The following PITPNB variants were observed in gnomAD, a reference collection of about 807,000 sequenced individuals.
PITPNB encodes phosphatidylinositol transfer protein beta.
PITPNB carries 16 observed loss-of-function variants against 45.9 expected under a neutral mutation model. The ratio of observed to expected loss-of-function variants is 0.35; its 90% confidence interval spans 0.24 to 0.53. The LOEUF is 0.53. Ranked by LOEUF, PITPNB falls within the 20% of genes least tolerant of loss-of-function variation. The pLI is 0.93. For synonymous variants in PITPNB, 112 were observed against 108.9 expected (o/e 1.03, Z -0.18); for missense variants, 188 against 330.5 (o/e 0.57, Z 3.34).
At chr22:27,898,783 A>G (rs762832986) in intron 3 of PITPNB, among the ~76,000 whole-genome samples, 4 of 152,224 alleles carry the variant, frequency 2.6e-5, no homozygotes, top group Non-Finnish European at 5.9e-5. Flanking sequence ...TCAATACATG[A>G]TTAATATATG....
intron 8 of PITPNB, among the ~76,000 whole-genome samples, chr22:27,867,564 G>T (rs1056761388): frequency 6.6e-6 from 1 of 152,134 alleles, no homozygotes; most frequent in African/African-American, 2.4e-5. Flanking sequence ...TTAATTTTTT[G>T]TATGGCTCAC....
chr22:27,892,003 G>C (rs1055164900), intron 7 of PITPNB, among the ~76,000 whole-genome samples: 2 of 152,212 alleles, frequency 1.3e-5, no homozygotes, highest in Non-Finnish European at 1.5e-5. Context: ...CCTAGTTTTA[G>C]AATGTATGTT....
chr22:27,900,878 CTGAA>C (rs1935572266), intron 3 of PITPNB, among the ~76,000 whole-genome samples: 1 of 152,176 alleles, frequency 6.6e-6, no homozygotes, highest in Admixed American at 6.5e-5. Flanking sequence ...CAATTATTAA[CTGAA>C]TGAACAATAG....
In PITPNB at chr22:27,910,945, A is replaced by C. The variant is rs1185509835; in HGVS notation, c.197+19T>G. On this transcript the variant is annotated intron_variant, in intron 3 of 11. Coordinates refer to ENST00000335272, the MANE Select transcript of PITPNB (RefSeq NM_012399.5). Reference sequence around the variant, plus strand: ...GTAAGCCAGGTAGTTACAAGGCGTCAAATGTGAACACCGCTTACCTCTTTA... The same window carrying C: ...GTAAGCCAGGTAGTTACAAGGCGTCCAATGTGAACACCGCTTACCTCTTTA... 1 of 1,605,312 alleles carries C rather than the reference A, an allele frequency of 6.2e-7. No homozygotes were observed. The highest frequency in any genetic ancestry group is 2.2e-5 in the East Asian group (1 of 44,798).
intron 4 of PITPNB, 102 bp downstream of exon 4, chr22:27,897,699 G>A (rs1935474937): frequency 2.5e-6 from 2 of 793,136 alleles, no homozygotes; most frequent in Non-Finnish European, 4.5e-6. Context: ...AGAACCCAAG[G>A]AAGACCTTGC....
chr22:27,916,850 C>A (rs1413371263), intron 1 of PITPNB, among the ~76,000 whole-genome samples: 1 of 151,932 alleles, frequency 6.6e-6, no homozygotes, highest in East Asian at 1.9e-4. Context: ...CAAACATTTG[C>A]CAAAGTATTT....
intron 10 of PITPNB, among the ~76,000 whole-genome samples, chr22:27,855,605 C>T (rs1158543471): frequency 3.3e-5 from 5 of 152,276 alleles, no homozygotes; most frequent in African/African-American, 1.2e-4. Flanking sequence ...CTCAACACAT[C>T]CTCACCCCCA....
In PITPNB at chr22:27,854,907, C is replaced by T. The variant is rs1452172060; in HGVS notation, c.801G>A (p.Ser267=). 1.2e-5 allele frequency: 20 copies of T among 1,613,612 alleles called. No homozygotes were observed. The highest frequency in any genetic ancestry group is 6.7e-5 in the East Asian group (3 of 44,876). The change falls in exon 11 of 12, where the codon TCG becomes TCA. Residue 267 remains serine (S), a synonymous_variant. Transcript: ENST00000335272. ...MRKRGSVRGT[S]AADV The stretch of plus-strand genomic sequence containing the variant: ...GGGGACTCATCTAGACATCAGCAGC[C>T]GACGTGCCTCGAACGGAACCCCTCT...
chr22:27,868,824 A>G (rs1347393351), intron 8 of PITPNB, among the ~76,000 whole-genome samples: 1 of 152,220 alleles, frequency 6.6e-6, no homozygotes, highest in East Asian at 1.9e-4. Context: ...AAGCCCTATA[A>G]GGAAGAGACG....
chr22:27,885,908 T>G (rs979247668), intron 7 of PITPNB, among the ~76,000 whole-genome samples: 1 of 152,182 alleles, frequency 6.6e-6, no homozygotes, highest in African/African-American at 2.4e-5. Context: ...ATCCAGCATC[T>G]TGCTAGGTCC....
rs1424483524 is a variant in PITPNB, at chr22:27,851,856, T to G, written c.*1846A>C. 1 of 152,056 alleles carries G rather than the reference T, an allele frequency of 6.6e-6. No individual in the cohort carries two copies. The highest frequency in any genetic ancestry group is 1.5e-5 in the Non-Finnish European group (1 of 68,030). The allele number at this position is 152,056 out of a possible 1,614,324, so 9.4% of individuals were successfully genotyped here. ...CTCTCATTTCCATGTGCGCCTAAGC[T>G]CCCAATGATACTACAGATGCCAGCG... On this transcript the variant is annotated 3_prime_UTR_variant, in exon 12 of 12. Transcript: ENST00000335272.
chr22:27,882,036 T>C lies in PITPNB; in HGVS notation c.457-8221A>G, dbSNP rs1316347766. On this transcript the variant is annotated intron_variant, in intron 7 of 11. Transcript: ENST00000335272. ...GTTACCAAGACTATCTACACAAGTA[T>C]GTAACATCTGGGCATTGTCTCAGAG... Among the ~76,000 whole-genome samples the C allele has an allele frequency of 2.0e-5, 3 of 152,186 alleles. No individual in the cohort carries two copies. The East Asian group carries it at 5.8e-4, about 29-fold the overall frequency.
At chr22:27,897,970 G>T in intron 3 of PITPNB, 78 bp from the exon 4 acceptor site, 1 of 981,488 alleles carries the variant, frequency 1.0e-6, no homozygotes, top group Non-Finnish European at 1.6e-6. Context: ...GCTTGAAAGA[G>T]TATGGCAATC....
At chr22:27,902,388 G>GT (rs1935622147) in intron 3 of PITPNB, among the ~76,000 whole-genome samples, 1 of 152,154 alleles carries the variant, frequency 6.6e-6, no homozygotes, top group South Asian at 2.1e-4. Flanking sequence ...ACGTCACAGA[G>GT]TTTAGATTTT....
intron 7 of PITPNB, among the ~76,000 whole-genome samples, chr22:27,875,393 G>C (rs1235702356): frequency 6.6e-6 from 1 of 152,252 alleles, no homozygotes; most frequent in African/African-American, 2.4e-5. Context: ...TCTGGGCAAA[G>C]CAGCAGAAAG....
chr22:27,859,142 T>C (rs1041793459), intron 9 of PITPNB, among the ~76,000 whole-genome samples: 3 of 152,200 alleles, frequency 2.0e-5, no homozygotes, highest in Non-Finnish European at 4.4e-5. Context: ...TTCTGGACAA[T>C]ATTCAACTTA....
intron 11 of PITPNB, among the ~76,000 whole-genome samples, chr22:27,854,204 T>C (rs1934108404): frequency 6.6e-6 from 1 of 152,026 alleles, no homozygotes; most frequent in Admixed American, 6.6e-5. Context: ...TTTTGTTTAC[T>C]CACACTGGTT....
At chr22:27,896,055 A>G (rs1276226264) in intron 6 of PITPNB, among the ~76,000 whole-genome samples, 55 of 152,250 alleles carry the variant, frequency 3.6e-4, no homozygotes, top group Admixed American at 3.6e-3. Flanking sequence ...ATAAATGTGA[A>G]CCAACTTATA....
chr22:27,899,489 A>AT (rs1217063704), intron 3 of PITPNB, among the ~76,000 whole-genome samples: 1 of 151,850 alleles, frequency 6.6e-6, no homozygotes, highest in Non-Finnish European at 1.5e-5. Flanking sequence ...GGCCCGGCTA[A>AT]TTTTTTTGTA....
Sources: allele counts gnomAD v4.1 joint callset (sites outside exome capture counted in the v4.1 genomes callset), GRCh38; gene constraint gnomAD v4.1.1; transcripts MANE v1.5; gene names NCBI Gene and HGNC (gene_info 2026-07-23, HGNC 2026-07-21).